CECR2: variants seen among roughly 807,000 people sequenced by gnomAD.
CECR2 encodes CECR2 histone acetyl-lysine reader.
CECR2 carries 30 observed loss-of-function variants against 154.5 expected under a neutral mutation model. That is an observed-to-expected ratio of 0.19 (90% CI 0.15 to 0.26). The LOEUF (loss-of-function observed/expected upper bound fraction) is 0.26, where lower values mean the gene tolerates loss of function less well. CECR2 is among the 10% of genes least tolerant of loss of function. CECR2 has a pLI of 1.00. For missense variants in CECR2, 1,743 were observed against 1,829.3 expected (o/e 0.95, Z 0.86); for synonymous variants, 725 against 683.7 (o/e 1.06, Z -0.94).
intron 1 of CECR2, among the ~76,000 whole-genome samples, chr22:17,392,688 A>G (rs141352395): frequency 1.4e-3 from 218 of 151,966 alleles, no homozygotes; most frequent in African/African-American, 5.0e-3. Context: ...TCTCAAAGAA[A>G]AAAAAAAACA....
rs1491337456 is a variant in CECR2, at chr22:17,394,198, T to TGCTGC, written c.126+24289_126+24290insGCTGC. Among the ~76,000 whole-genome samples the TGCTGC allele has an allele frequency of 1.3e-4, 4 of 31,802 alleles. No individual in the cohort carries two copies. In the East Asian group the frequency reaches 1.3e-3, roughly 10 times the overall value. The allele number at this position is 31,802 out of a possible 152,430, so 20.9% of individuals were successfully genotyped here. A position where few individuals can be genotyped will look rare whatever the true frequency, so the allele number is the denominator to read the frequency against. On this transcript the variant is annotated intron_variant, in intron 1 of 18. Transcript: ENST00000262608. Reference sequence around the variant, plus strand: ...CACCGCGCCCAGCTGCTGCCGCTGCTTTTTTTTTTTTTTTTTTTTTTTTTT... The same window carrying TGCTGC: ...CACCGCGCCCAGCTGCTGCCGCTGCTGCTGCTTTTTTTTTTTTTTTTTTTTTTTTT...
intron 5 of CECR2, 130 bp downstream of exon 5, chr22:17,500,865 T>C (rs1289708979): frequency 1.2e-5 from 8 of 652,084 alleles, no homozygotes; most frequent in Middle Eastern, 3.0e-4. Context: ...TGAGTCCTTA[T>C]GAAATTACCA....
rs1297525751 is a variant in CECR2 at position 17,369,477 on chromosome 22, G to A, written c.-307G>A. 1.3e-5 allele frequency: 2 copies of A among 150,798 alleles called. No individual in the cohort carries two copies. The highest frequency in any genetic ancestry group is 4.0e-4 in the East Asian group (2 of 5,008). 9.3% of individuals were successfully genotyped at this position (150,798 alleles called of 1,614,324 possible). ...CTAGCCCCATCTGTTTCTCCGGCGG[G>A]GACTCGATTATATTGTAGGGGACTG... On this transcript the variant is annotated 5_prime_UTR_variant, in exon 1 of 19. Transcript: ENST00000262608.
At chr22:17,511,216 A>G (rs986180901) in intron 7 of CECR2, among the ~76,000 whole-genome samples, 1 of 152,236 alleles carries the variant, frequency 6.6e-6, no homozygotes, top group African/African-American at 2.4e-5. Flanking sequence ...TTGGCCTTCA[A>G]AAGTAGTAAC....
chr22:17,370,495 G>A (rs919480464), intron 1 of CECR2, among the ~76,000 whole-genome samples: 1 of 152,116 alleles, frequency 6.6e-6, no homozygotes, highest in Admixed American at 6.5e-5. Flanking sequence ...CTGGGCGCGG[G>A]GCTCTGGAGG....
At chr22:17,477,875 A>T (rs895337675) in intron 2 of CECR2, among the ~76,000 whole-genome samples, 193 bp downstream of exon 2, 1 of 152,180 alleles carries the variant, frequency 6.6e-6, no homozygotes, top group Non-Finnish European at 1.5e-5. Flanking sequence ...ATTCCATCAT[A>T]ATCTTTGAGT....
At position 17,389,449 on chromosome 22, in the gene CECR2, C is replaced by G. The variant is rs2063302163; in HGVS notation, c.126+19540C>G. Among the ~76,000 whole-genome samples the G allele has an allele frequency of 3.3e-5, 5 of 152,016 alleles. No individual in the cohort carries two copies. In the South Asian group the frequency reaches 1.0e-3, roughly 32 times the overall value. ...AGACGTGATACCTTTCACTCCTTGA[C>G]ATTTTAGTGTTTTTATGACTTAAAA... On this transcript the variant is annotated intron_variant, in intron 1 of 18. Coordinates refer to ENST00000262608, the MANE Select transcript of CECR2 (RefSeq NM_001290047.2).
intron 1 of CECR2, among the ~76,000 whole-genome samples, chr22:17,386,037 G>T (rs148653788): frequency 9.2e-5 from 14 of 152,302 alleles, no homozygotes; most frequent in Non-Finnish European, 1.9e-4. Flanking sequence ...GGAGGAATGG[G>T]GCTCCTGGCA....
intron 9 of CECR2, among the ~76,000 whole-genome samples, chr22:17,535,614 A>G (rs2056425994): frequency 1.3e-5 from 2 of 152,038 alleles, no homozygotes. Flanking sequence ...TTAAAGTTTG[A>G]CAGGTTGGGT....
intron 1 of CECR2, among the ~76,000 whole-genome samples, chr22:17,401,589 C>T (rs1488404965): frequency 6.6e-6 from 1 of 151,330 alleles, no homozygotes; most frequent in African/African-American, 2.5e-5. Context: ...GATGTTGTTC[C>T]TGTTCGTTCT....
chr22:17,516,259 A>G (rs189015923), intron 8 of CECR2, among the ~76,000 whole-genome samples: 2 of 148,480 alleles, frequency 1.3e-5, no homozygotes, highest in African/African-American at 5.0e-5. Flanking sequence ...ACAGTTATGT[A>G]CATACATATA....
chr22:17,370,213 C>T (rs2063038714), intron 1 of CECR2, among the ~76,000 whole-genome samples: 2 of 149,194 alleles, frequency 1.3e-5, no homozygotes, highest in African/African-American at 5.0e-5. Flanking sequence ...GCGACCCTCC[C>T]GGGACTTCTC....
At chr22:17,380,438 A>G (rs989670227) in intron 1 of CECR2, among the ~76,000 whole-genome samples, 3 of 152,224 alleles carry the variant, frequency 2.0e-5, no homozygotes, top group African/African-American at 7.2e-5. Flanking sequence ...TCATATGCGT[A>G]TAAGTTTCAC....
At chr22:17,406,733 T>C (rs1393886239) in intron 1 of CECR2, among the ~76,000 whole-genome samples, 1 of 152,242 alleles carries the variant, frequency 6.6e-6, no homozygotes, top group Admixed American at 6.5e-5. Flanking sequence ...AGCTGTCTCC[T>C]GATTGCAGTG....
chr22:17,507,216 C>T (rs139725684), intron 7 of CECR2, among the ~76,000 whole-genome samples: 2 of 152,128 alleles, frequency 1.3e-5, no homozygotes, highest in South Asian at 4.1e-4. Flanking sequence ...TAGGGAAAGT[C>T]CTAGAAATTA....
At chr22:17,484,999 T>C (rs1185554425) in intron 2 of CECR2, among the ~76,000 whole-genome samples, 1 of 152,206 alleles carries the variant, frequency 6.6e-6, no homozygotes, top group Non-Finnish European at 1.5e-5. Context: ...AATTGAAATA[T>C]AGAAGCCACA....
At chr22:17,504,706 G>C in intron 6 of CECR2, 141 bp from the exon 7 acceptor site, 1 of 620,906 alleles carries the variant, frequency 1.6e-6, no homozygotes, top group South Asian at 2.1e-5. Context: ...CTCCCAAAGT[G>C]CTGGGATTAC....
At chr22:17,408,884 T>G (rs1415442037) in intron 1 of CECR2, among the ~76,000 whole-genome samples, 1 of 152,222 alleles carries the variant, frequency 6.6e-6, no homozygotes, top group African/African-American at 2.4e-5. Context: ...TACCATTGCT[T>G]AGTGGGGCCC....
At chr22:17,372,668 A>G (rs2063074449) in intron 1 of CECR2, among the ~76,000 whole-genome samples, 1 of 152,204 alleles carries the variant, frequency 6.6e-6, no homozygotes, top group Non-Finnish European at 1.5e-5. Context: ...ACTCTGTCTC[A>G]AAATAAATAT....
Sources: gnomAD v4.1 joint callset for allele counts (sites outside exome capture counted in the v4.1 genomes callset) on GRCh38, gnomAD v4.1.1 for gene constraint, MANE v1.5 for transcripts, NCBI Gene and HGNC (gene_info 2026-07-23, HGNC 2026-07-21) for gene names.